Variants in FAM81A observed in about 807,000 individuals in gnomAD.
FAM81A encodes the protein protein FAM81A.
FAM81A carries 19 observed loss-of-function variants against 46.7 expected under a neutral mutation model. The observed-to-expected ratio is 0.41, with a 90% CI of 0.28 to 0.60. FAM81A has a LOEUF of 0.60. FAM81A is among the 20% of genes least tolerant of loss of function. The pLI, the probability that FAM81A is intolerant of heterozygous loss-of-function variation, is 0.34. For missense variants in FAM81A, 377 were observed against 453.5 expected, an observed-to-expected ratio of 0.83 and a Z score of 1.53; for synonymous variants, 183 against 152.9, an observed-to-expected ratio of 1.20 and a Z score of -1.45.
intron 3 of FAM81A, among the ~76,000 whole-genome samples, chr15:59,491,162 C>G (rs1161062740): frequency 2.0e-5 from 3 of 152,102 alleles, no homozygotes; most frequent in Admixed American, 6.5e-5. Flanking sequence ...GGAAGCTACC[C>G]AAGTGTCCAT....
chr15:59,429,602 T>C (rs58448285), intron 2 of FAM81A, among the ~76,000 whole-genome samples: 29,997 of 152,222 alleles, frequency 0.2, 3,184 homozygotes, highest in Middle Eastern at 0.26. Context: ...AAGAGTCAAA[T>C]TGATTATGTT....
intron 3 of FAM81A, among the ~76,000 whole-genome samples, chr15:59,482,571 A>G (rs757338450): frequency 3.9e-5 from 6 of 152,178 alleles, no homozygotes; most frequent in African/African-American, 7.2e-5. Context: ...GCCCAGCTCT[A>G]TAGTGTCTAA....
At chr15:59,429,285 T>C (rs2081209394) in intron 2 of FAM81A, among the ~76,000 whole-genome samples, 4 of 152,242 alleles carry the variant, frequency 2.6e-5, no homozygotes, top group South Asian at 2.1e-4. Flanking sequence ...GAATCTTTTT[T>C]TCGTTTACTT....
intron 2 of FAM81A, among the ~76,000 whole-genome samples, chr15:59,428,147 A>C (rs1185288433): frequency 6.6e-6 from 1 of 152,182 alleles, no homozygotes; most frequent in Non-Finnish European, 1.5e-5. Flanking sequence ...TGTTTCTCTG[A>C]TGATCAGTGA....
At chr15:59,405,221 A>G (rs2081088975) in intron 2 of FAM81A, among the ~76,000 whole-genome samples, 1 of 152,200 alleles carries the variant, frequency 6.6e-6, no homozygotes, top group South Asian at 2.1e-4. Flanking sequence ...GTCTTCCACT[A>G]CAATATAAGG....
intron 3 of FAM81A, among the ~76,000 whole-genome samples, chr15:59,477,635 T>C (rs773999171): frequency 6.6e-6 from 1 of 152,230 alleles, no homozygotes; most frequent in Non-Finnish European, 1.5e-5. Flanking sequence ...AGTCTTAATA[T>C]TTCTATTTTC....
intron 1 of FAM81A, among the ~76,000 whole-genome samples, chr15:59,451,490 C>T (rs1416872062): frequency 6.6e-6 from 1 of 150,684 alleles, no homozygotes; most frequent in African/African-American, 2.4e-5. Context: ...TCACTCTATC[C>T]AGCCCAGGCT....
At chr15:59,506,547 C>G (rs570321952) in intron 4 of FAM81A, among the ~76,000 whole-genome samples, 1 of 152,320 alleles carries the variant, frequency 6.6e-6, no homozygotes, top group Admixed American at 6.5e-5. Context: ...AGCTTCTTCT[C>G]AACAGAGGAA....
At chr15:59,478,481 A>T (rs1411106186) in intron 3 of FAM81A, among the ~76,000 whole-genome samples, 3 of 152,212 alleles carry the variant, frequency 2.0e-5, no homozygotes, top group Admixed American at 2.0e-4. Context: ...GGACTAACAT[A>T]CAGGACCTTG....
At position 59,521,321 on chromosome 15, in the gene FAM81A, C is replaced by T. The variant is rs192486945; in HGVS notation, c.1050C>T (p.Asp350=). 3.3e-3 allele frequency: 5,318 copies of T among 1,613,750 alleles called. 12 individuals are homozygous for T. The highest frequency in any genetic ancestry group is 3.7e-3 in the Non-Finnish European group (4,351 of 1,179,776). The change falls in exon 9 of 9, where the codon GAC becomes GAT. Residue 350 remains aspartate (D), a synonymous_variant. Transcript: ENST00000288228. ...RQVLEAKMKL[D]RDQLQKQIQL... ...TTCTCGAGGCCAAGATGAAGCTGGA[C>T]AGGGACCAGCTACAGAAGCAAATCC...
intron 8 of FAM81A, among the ~76,000 whole-genome samples, chr15:59,519,050 C>T (rs1306256083): frequency 1.3e-5 from 2 of 151,918 alleles, no homozygotes; most frequent in Non-Finnish European, 2.9e-5. Flanking sequence ...CTGCAGTCCT[C>T]ATGCTATACA....
chr15:59,473,803 G>A (rs758012067), intron 3 of FAM81A, among the ~76,000 whole-genome samples: 1 of 152,080 alleles, frequency 6.6e-6, no homozygotes, highest in Non-Finnish European at 1.5e-5. Context: ...TTCCTATTTG[G>A]TAGCTGCCAC....
intron 3 of FAM81A, among the ~76,000 whole-genome samples, chr15:59,482,752 A>C (rs999913964): frequency 3.3e-5 from 5 of 152,224 alleles, no homozygotes; most frequent in Admixed American, 6.5e-5. Context: ...CACTACATAC[A>C]AAAAGAATAA....
At chr15:59,408,699 C>T (rs374850577) in intron 2 of FAM81A, among the ~76,000 whole-genome samples, 27 of 152,200 alleles carry the variant, frequency 1.8e-4, no homozygotes, top group Non-Finnish European at 1.5e-4. Flanking sequence ...CATGGTGGTG[C>T]GCACCTGTAA....
At chr15:59,451,167 G>A (rs2081414180) in intron 1 of FAM81A, among the ~76,000 whole-genome samples, 1 of 152,196 alleles carries the variant, frequency 6.6e-6, no homozygotes, top group Non-Finnish European at 1.5e-5. Context: ...GACTTACCTA[G>A]TCTGGTTCCC....
upstream of FAM81A, among the ~76,000 whole-genome samples, chr15:59,436,307 T>G (rs1463994083): frequency 6.6e-6 from 1 of 151,912 alleles, no homozygotes; most frequent in Non-Finnish European, 1.5e-5. Flanking sequence ...GTTTTATAGG[T>G]GTTCCATTCT....
At chr15:59,484,014 C>T (rs1455230736) in intron 3 of FAM81A, among the ~76,000 whole-genome samples, 1 of 152,174 alleles carries the variant, frequency 6.6e-6, no homozygotes, top group East Asian at 1.9e-4. Flanking sequence ...CCCTGTGCTT[C>T]CCACTGGCTG....
chr15:59,509,350 A>C (rs1449407618), intron 6 of FAM81A, among the ~76,000 whole-genome samples: 1 of 152,192 alleles, frequency 6.6e-6, no homozygotes, highest in Non-Finnish European at 1.5e-5. Context: ...AGTGCGTTGA[A>C]GGTTCGGTTC....
chr15:59,465,445 G>A (rs767740830), intron 3 of FAM81A, among the ~76,000 whole-genome samples: 8 of 152,048 alleles, frequency 5.3e-5, no homozygotes, highest in Non-Finnish European at 1.2e-4. Flanking sequence ...GCTAATTTTT[G>A]TATTTTTAGT....
Sources: allele counts gnomAD v4.1 joint callset (sites outside exome capture counted in the v4.1 genomes callset), GRCh38; gene constraint gnomAD v4.1.1; transcripts MANE v1.5; gene names NCBI Gene and HGNC (gene_info 2026-07-23, HGNC 2026-07-21).